Variants in GSTA4 observed in about 807,000 individuals in gnomAD.
The protein encoded by GSTA4 is glutathione S-transferase alpha 4.
In GSTA4, 15 loss-of-function variants were observed where a neutral mutation model predicts 24.4. The observed-to-expected ratio is 0.61, with a 90% CI of 0.41 to 0.95. The LOEUF (loss-of-function observed/expected upper bound fraction) is 0.95, where lower values mean the gene tolerates loss of function less well. GSTA4 is among the 40% of genes least tolerant of loss of function. GSTA4 has a pLI of 0.00. For synonymous variants in GSTA4, 92 were observed against 94.2 expected, an observed-to-expected ratio of 0.98 and a Z score of 0.13; for missense variants, 244 against 262.1, an observed-to-expected ratio of 0.93 and a Z score of 0.48.
chr6:52,988,297 G>A (rs1267626215), intron 2 of GSTA4, among the ~76,000 whole-genome samples: 17 of 150,646 alleles, frequency 1.1e-4, no homozygotes, highest in Admixed American at 3.3e-4. Context: ...AAAAAAAAAA[G>A]GTAGGAGGAA....
intron 3 of GSTA4, among the ~76,000 whole-genome samples, chr6:52,986,622 G>C (rs915396163): frequency 6.6e-6 from 1 of 152,200 alleles, no homozygotes; most frequent in Non-Finnish European, 1.5e-5. Flanking sequence ...TTGGCCTTGA[G>C]GGTTTGAGCA....
chr6:52,994,302 C>G, intron 1 of GSTA4, 41 bp from the exon 2 acceptor site: 3 of 1,114,926 alleles, frequency 2.7e-6, no homozygotes, highest in Non-Finnish European at 4.1e-6. Context: ...ACCAACAGTC[C>G]CAATTTCGCG....
chr6:52,990,606 A>G (rs956285082), intron 2 of GSTA4, among the ~76,000 whole-genome samples: 2 of 152,130 alleles, frequency 1.3e-5, no homozygotes, highest in Non-Finnish European at 2.9e-5. Context: ...TTGAGTTTTT[A>G]TTACTGTAAC....
chr6:52,994,416 A>AC (rs1561988446), intron 1 of GSTA4, 155 bp from the exon 2 acceptor site: 22 of 552,196 alleles, frequency 4.0e-5, no homozygotes, highest in Non-Finnish European at 6.5e-5. Context: ...AGAAAAAAAA[A>AC]CCACCATTTT....
Position 52,994,277 on chromosome 6 carries a change from A to G in GSTA4, c.-18-16T>C. The G allele has an allele frequency of 2.1e-6, 3 of 1,419,648 alleles. No individual in the cohort carries two copies. Among genetic ancestry groups the G allele is most frequent in the Non-Finnish European group, 3.0e-6 (3 of 1,004,486 alleles). The allele number at this position is 1,419,648 out of a possible 1,614,324, so 87.9% of individuals were successfully genotyped here. On this transcript the variant is annotated splice_polypyrimidine_tract_variant and intron_variant, in intron 1 of 6. Coordinates refer to ENST00000370963, the MANE Select transcript of GSTA4 (RefSeq NM_001512.4). ...TTCAGGCTTTCTGAAATACAAATGC[A>G]GCAGCTCGTCGCAGACCAACAGTCC...
intron 6 of GSTA4, among the ~76,000 whole-genome samples, chr6:52,980,173 C>T (rs888605371): frequency 6.6e-6 from 1 of 152,142 alleles, no homozygotes. Flanking sequence ...TACCAAAAAA[C>T]CTTGATCTCT....
intron 1 of GSTA4, 177 bp downstream of exon 1, chr6:52,995,072 T>TC (rs1763745357): frequency 6.6e-6 from 1 of 152,410 alleles, no homozygotes; most frequent in Non-Finnish European, 1.5e-5. Context: ...GGGGCCCACC[T>TC]CTGCCCAGAC....
At chr6:52,993,082 TAC>T (rs1763694693) in intron 2 of GSTA4, among the ~76,000 whole-genome samples, 1 of 151,956 alleles carries the variant, frequency 6.6e-6, no homozygotes, top group Non-Finnish European at 1.5e-5. Flanking sequence ...CAGCCTGGGC[TAC>T]AGAGCCAGCC....
chr6:52,984,697 TTTA>T, intron 4 of GSTA4, 92 bp from the exon 5 acceptor site: 17 of 1,154,844 alleles, frequency 1.5e-5, no homozygotes, highest in Non-Finnish European at 1.8e-5. Flanking sequence ...TTTTTTTTTT[TTTA>T]AAGATGCTGC....
intron 6 of GSTA4, among the ~76,000 whole-genome samples, chr6:52,980,910 T>C (rs985766625): frequency 3.9e-5 from 6 of 152,228 alleles, no homozygotes; most frequent in African/African-American, 1.4e-4. Context: ...CAAATGCATG[T>C]AAGTGCCTAG....
At chr6:52,987,576 T>C in intron 2 of GSTA4, 168 bp from the exon 3 acceptor site, 1 of 521,440 alleles carries the variant, frequency 1.9e-6, no homozygotes, top group Non-Finnish European at 3.4e-6. Flanking sequence ...GATTCATATG[T>C]GGGAGCTAAA....
chr6:52,990,017 T>G (rs1763634337), intron 2 of GSTA4, among the ~76,000 whole-genome samples: 1 of 151,544 alleles, frequency 6.6e-6, no homozygotes. Context: ...GCTCAGAAAG[T>G]TTATATGATA....
At chr6:52,987,723 C>T (rs747886737) in intron 2 of GSTA4, 5 of 235,178 alleles carry the variant, frequency 2.1e-5, no homozygotes, top group Non-Finnish European at 3.3e-5. Flanking sequence ...ATCTAGTGTT[C>T]GATAGTACAG....
At chr6:52,993,206 G>A (rs1763698588) in intron 2 of GSTA4, among the ~76,000 whole-genome samples, 1 of 152,180 alleles carries the variant, frequency 6.6e-6, no homozygotes, top group Non-Finnish European at 1.5e-5. Flanking sequence ...ACATGGTGAT[G>A]TAAGATGTTA....
chr6:52,985,827 C>T (rs1763542606), intron 3 of GSTA4, among the ~76,000 whole-genome samples: 1 of 152,024 alleles, frequency 6.6e-6, no homozygotes. Flanking sequence ...CCAAGGCAGG[C>T]GGATCATGAG....
chr6:52,978,051 G>A lies in GSTA4; in HGVS notation c.*419C>T, dbSNP rs17614751. On this transcript the variant is annotated 3_prime_UTR_variant, in exon 7 of 7. Coordinates refer to ENST00000370963, the MANE Select transcript of GSTA4 (RefSeq NM_001512.4). ...GAGGAGAGTCATTTACTAGACATTC[G>A]GTTGTTATTAAACACTAAAAATTAG... The A allele has an allele frequency of 0.047, 7,430 of 157,476 alleles. 245 individuals carry two copies. The highest frequency in any genetic ancestry group is 0.068 in the Non-Finnish European group (4,878 of 72,156). The allele number at this position is 157,476 out of a possible 1,614,324, so 9.8% of individuals were successfully genotyped here.
chr6:52,991,416 G>A (rs1309778181), intron 2 of GSTA4, among the ~76,000 whole-genome samples: 1 of 152,124 alleles, frequency 6.6e-6, no homozygotes, highest in African/African-American at 2.4e-5. Flanking sequence ...CGGCATCACT[G>A]AAAACGAGAC....
chr6:52,994,775 C>A (rs1459026061), intron 1 of GSTA4, among the ~76,000 whole-genome samples: 1 of 152,202 alleles, frequency 6.6e-6, no homozygotes, highest in Non-Finnish European at 1.5e-5. Context: ...GTGCGTCCAC[C>A]GTCACGCATG....
intron 3 of GSTA4, among the ~76,000 whole-genome samples, chr6:52,986,144 G>A (rs45452392): frequency 2.9e-4 from 44 of 152,328 alleles, no homozygotes; most frequent in African/African-American, 1.0e-3. Flanking sequence ...AAGGGATTGA[G>A]GGGAATGTAG....
Sources: gnomAD v4.1 joint callset for allele counts (sites outside exome capture counted in the v4.1 genomes callset) on GRCh38, gnomAD v4.1.1 for gene constraint, MANE v1.5 for transcripts, NCBI Gene and HGNC (gene_info 2026-07-23, HGNC 2026-07-21) for gene names.